Variants in ITSN2 observed in about 807,000 individuals in gnomAD.
ITSN2 encodes intersectin-2.
A neutral mutation model predicts 243.7 loss-of-function variants in ITSN2; 156 were observed. The observed-to-expected ratio is 0.64, with a 90% confidence interval of 0.56 to 0.73. The LOEUF is 0.73. Ranked by LOEUF, ITSN2 falls within the 30% of genes least tolerant of loss-of-function variation. The pLI, the probability that ITSN2 is intolerant of heterozygous loss-of-function variation, is 0.00. For missense variants in ITSN2, 1,801 were observed against 1,996.1 expected (o/e 0.90, Z 1.86); for synonymous variants, 703 against 699.9 (o/e 1.00, Z -0.07).
Position 24,293,701 on chromosome 2 carries a change from G to A in ITSN2, c.1710C>T (p.Phe570=). ...LLNERIKNMQ[F]SNTPDSGVSL... is the part of the protein sequence containing the mutation. ...TTAGAGACTTACCAGGTGTGTTACTGAACTGCATGTTTTTAATTCTTTCAT... is the reference window on the plus strand; with the variant it reads ...TTAGAGACTTACCAGGTGTGTTACTAAACTGCATGTTTTTAATTCTTTCAT... The change falls in exon 15 of 40, where the codon TTC becomes TTT. Residue 570 remains phenylalanine, a synonymous_variant. Transcript: ENST00000355123. 1 of 1,195,486 alleles carries A rather than the reference G, an allele frequency of 8.4e-7. No individual in the cohort carries two copies. The highest frequency in any genetic ancestry group is 1.2e-6 in the Non-Finnish European group (1 of 838,702). The allele number at this position is 1,195,486 out of a possible 1,614,324, so 74.1% of individuals were successfully genotyped here.
chr2:24,301,069 T>G (rs899737441), intron 11 of ITSN2, 85 bp downstream of exon 11: 4 of 721,120 alleles, frequency 5.5e-6, no homozygotes, highest in South Asian at 2.4e-5. Context: ...ATTAAAAATA[T>G]AAAAATTCTA....
chr2:24,231,005 G>A (rs921036556), intron 29 of ITSN2, among the ~76,000 whole-genome samples: 3 of 5,180 alleles, frequency 5.8e-4, no homozygotes, highest in African/African-American at 2.0e-3. Context: ...GATTTTGCAG[G>A]TGCAAAATCT....
chr2:24,312,965 T>A (rs868443006), intron 4 of ITSN2, among the ~76,000 whole-genome samples: 1 of 152,154 alleles, frequency 6.6e-6, no homozygotes, highest in African/African-American at 2.4e-5. Flanking sequence ...TGATAATGTA[T>A]ATATCTTTCC....
At chr2:24,269,710 C>G (rs1283931439) in intron 20 of ITSN2, among the ~76,000 whole-genome samples, 1 of 152,152 alleles carries the variant, frequency 6.6e-6, no homozygotes, top group African/African-American at 2.4e-5. Context: ...CCTAGTCTAA[C>G]ATAGTCAGCC....
rs1386904180 is a variant in ITSN2, at chr2:24,252,391, C to T, written c.3074G>A (p.Arg1025Lys). 6.2e-7 allele frequency: 1 copy of T among 1,613,100 alleles called. No homozygotes were observed. The change falls in exon 25 of 40, where the codon AGA becomes AAA. Residue 1025 changes from arginine to lysine, a missense_variant. Arg to Lys is a conservative substitution (Grantham distance 26, BLOSUM62 2). Transcript: ENST00000355123. ...ATAGTTTGATGGAAAAATTCCACTT[C>T]TATCTCCAATACTTCCTGTCCACCA... ...GEWWTGSIGD[R>K]SGIFPSNYVK...
chr2:24,226,308 G>T (rs1012310975), intron 29 of ITSN2, among the ~76,000 whole-genome samples: 1 of 152,176 alleles, frequency 6.6e-6, no homozygotes. Flanking sequence ...GTTCTATTTG[G>T]CCTCTGCCTG....
At position 24,334,478 on chromosome 2, in the gene ITSN2, A is replaced by T. The variant is rs552430674; in HGVS notation, c.-33-6363T>A. On this transcript the variant is annotated intron_variant, in intron 1 of 39. Transcript: ENST00000355123. ...GAAGCACAGTTACAGAAAGAATTAC[A>T]ATTACTTTCCGTGCCAATAGCGCTC... 65 of 656,362 alleles carry T rather than the reference A, an allele frequency of 9.9e-5. 1 individual carries two copies. The highest frequency in any genetic ancestry group is 8.9e-4 in the South Asian group (64 of 72,280). The allele number at this position is 656,362 out of a possible 1,614,324, so 40.7% of individuals were successfully genotyped here. A position where few individuals can be genotyped will look rare whatever the true frequency, so the allele number is the denominator to read the frequency against.
At chr2:24,289,557 TA>T (rs1440924825) in intron 15 of ITSN2, among the ~76,000 whole-genome samples, 4 of 152,244 alleles carry the variant, frequency 2.6e-5, no homozygotes, top group Non-Finnish European at 5.9e-5. Flanking sequence ...GGGATAATTT[TA>T]CTACTACTTT....
chr2:24,281,400 C>T (rs920924461), intron 17 of ITSN2, among the ~76,000 whole-genome samples: 2 of 152,148 alleles, frequency 1.3e-5, no homozygotes, highest in Non-Finnish European at 2.9e-5. Flanking sequence ...ATTAACACCC[C>T]TTCCTCTCTT....
chr2:24,351,291 T>C (rs1374400400), intron 1 of ITSN2, among the ~76,000 whole-genome samples: 1 of 152,244 alleles, frequency 6.6e-6, no homozygotes, highest in Non-Finnish European at 1.5e-5. Context: ...GCCCCGCTTC[T>C]ATTAGACTGT....
intron 2 of ITSN2, among the ~76,000 whole-genome samples, chr2:24,318,384 G>A (rs1426486765): frequency 6.6e-6 from 1 of 152,150 alleles, no homozygotes; most frequent in East Asian, 1.9e-4. Context: ...GGGCTCAAGT[G>A]ATCCTCCTGC....
intron 32 of ITSN2, 74 bp downstream of exon 32, chr2:24,215,975 C>T (rs999413842): frequency 1.8e-6 from 2 of 1,112,650 alleles, no homozygotes. Flanking sequence ...GCTGGGATTC[C>T]CTGTTGGGCT....
intron 29 of ITSN2, among the ~76,000 whole-genome samples, chr2:24,237,221 T>C (rs1376161039): frequency 6.6e-6 from 1 of 152,172 alleles, no homozygotes; most frequent in African/African-American, 2.4e-5. Context: ...TCAAGGACCT[T>C]AGAAAAGTAT....
rs565500964 is a variant in ITSN2 at position 24,264,144 on chromosome 2, C to T, written c.2356-2402G>A. Among the ~76,000 whole-genome samples, 13 of 152,252 alleles carry T rather than the reference C, an allele frequency of 8.5e-5. No homozygotes were observed. In the South Asian group the frequency reaches 2.7e-3, roughly 32 times the overall value. ...CGGTGGCTCATGCCTGTAATCTCAG[C>T]ACTTTGGAAGGCCGAGGGGGGCAGA... On this transcript the variant is annotated intron_variant, in intron 20 of 39. Coordinates refer to ENST00000355123, the MANE Select transcript of ITSN2 (RefSeq NM_006277.3).
chr2:24,308,120 T>C (rs886849916), intron 8 of ITSN2, among the ~76,000 whole-genome samples: 1 of 152,246 alleles, frequency 6.6e-6, no homozygotes, highest in Non-Finnish European at 1.5e-5. Flanking sequence ...TCAGATGATG[T>C]TCTGGCCTGG....
chr2:24,296,956 T>A (rs1288441244), intron 13 of ITSN2, among the ~76,000 whole-genome samples: 1 of 152,200 alleles, frequency 6.6e-6, no homozygotes, highest in African/African-American at 2.4e-5. Context: ...TCACCTGTGT[T>A]ACTGTGCTTC....
intron 36 of ITSN2, 54 bp from the exon 37 acceptor site, chr2:24,208,373 G>A (rs1669131815): frequency 1.4e-5 from 19 of 1,350,332 alleles, no homozygotes; most frequent in Admixed American, 5.1e-5. Flanking sequence ...ACAGGTCAGC[G>A]TGGAGCCCCA....
intron 1 of ITSN2, chr2:24,330,350 T>C (rs1217456355): frequency 2.0e-5 from 10 of 499,824 alleles, no homozygotes; most frequent in Non-Finnish European, 3.8e-5. Flanking sequence ...AAAGCCTGCA[T>C]GCCACTGCAT....
rs1209899959 is a variant in ITSN2 at position 24,298,904 on chromosome 2, A to G, written c.1345-90T>C. The G allele has an allele frequency of 1.4e-5, 17 of 1,223,486 alleles. No individual in the cohort carries two copies. The East Asian group carries it at 3.7e-4, about 26-fold the overall frequency. 75.8% of individuals were successfully genotyped at this position (1,223,486 alleles called of 1,614,324 possible). Reference sequence around the variant, plus strand: ...GAAGACAACAATAAAAGTCAGGCAGAGTTTAGCACTTAGTGGCTTTAGTGC... The same window carrying G: ...GAAGACAACAATAAAAGTCAGGCAGGGTTTAGCACTTAGTGGCTTTAGTGC... On this transcript the variant is annotated intron_variant, in intron 12 of 39. Coordinates refer to ENST00000355123, the MANE Select transcript of ITSN2 (RefSeq NM_006277.3).
Sources: gnomAD v4.1 joint callset for allele counts (sites outside exome capture counted in the v4.1 genomes callset) on GRCh38, gnomAD v4.1.1 for gene constraint, MANE v1.5 for transcripts, NCBI Gene and HGNC (gene_info 2026-07-23, HGNC 2026-07-21) for gene names.